Variants in PCDHGA5 observed in about 807,000 individuals in gnomAD.
PCDHGA5 encodes protocadherin gamma-A5.
In PCDHGA5, 36 loss-of-function variants were observed where a neutral mutation model predicts 56.7. The observed-to-expected ratio is 0.64, with a 90% CI of 0.49 to 0.84. The LOEUF (loss-of-function observed/expected upper bound fraction) is 0.84, where lower values mean the gene tolerates loss of function less well. PCDHGA5 is among the 40% of genes least tolerant of loss of function. PCDHGA5 has a pLI of 0.00. For missense variants in PCDHGA5, 1,305 were observed against 1,201.5 expected (o/e 1.09, Z -1.27); for synonymous variants, 563 against 520.2 (o/e 1.08, Z -1.12).
At chr5:141,390,204 G>A in intron 1 of PCDHGA5, 1 of 1,614,036 alleles carries the variant, frequency 6.2e-7, no homozygotes, top group Non-Finnish European at 8.5e-7. Flanking sequence ...GTTGAGTTCA[G>A]GACAAGACAT....
rs377138746 is a variant in PCDHGA5, at chr5:141,432,481, C to A, written c.2422-62326C>A. Reference sequence around the variant, plus strand: ...CCCTCCCCACGGACGGTTCCACTGGCGTGGAGCTGGCTCCCCGCTCCGCAG... The same window carrying A: ...CCCTCCCCACGGACGGTTCCACTGGAGTGGAGCTGGCTCCCCGCTCCGCAG... On this transcript the variant is annotated intron_variant, in intron 1 of 3. Transcript: ENST00000518069. This position sits in a 1 kb window ranked among gnomAD's most constrained non-coding sequence, Gnocchi z 6.0. 6.2e-7 allele frequency: 1 copy of A among 1,614,080 alleles called. No individual in the cohort carries two copies.
intron 1 of PCDHGA5, chr5:141,393,880 T>A (rs1561645063): frequency 6.2e-7 from 1 of 1,614,004 alleles, no homozygotes; most frequent in Non-Finnish European, 8.5e-7. Context: ...TTTAGCCCAG[T>A]GTTAGAAAAT....
chr5:141,499,012 G>GGAAGGAAT, intron 2 of PCDHGA5, among the ~76,000 whole-genome samples: 1 of 147,618 alleles, frequency 6.8e-6, no homozygotes. Context: ...AAGGAAGGAA[G>GGAAGGAAT]GAAGGAAGGA....
chr5:141,447,919 C>G (rs940570932), intron 1 of PCDHGA5, among the ~76,000 whole-genome samples: 2 of 152,012 alleles, frequency 1.3e-5, no homozygotes, highest in East Asian at 1.9e-4. Context: ...AACTCTGTCT[C>G]CACTAAAAAT....
chr5:141,410,781 T>C, intron 1 of PCDHGA5: 2 of 937,378 alleles, frequency 2.1e-6, no homozygotes, highest in Non-Finnish European at 1.5e-6. Flanking sequence ...TCACTATGTA[T>C]TTGGTTCATA....
intron 1 of PCDHGA5, chr5:141,371,894 G>C (rs1346040727): frequency 2.5e-6 from 4 of 1,613,426 alleles, no homozygotes; most frequent in Non-Finnish European, 3.4e-6. Flanking sequence ...AGCCGCGGGA[G>C]CTGTCGTCCT....
At chr5:141,422,888 T>C in intron 1 of PCDHGA5, 2 of 1,614,262 alleles carry the variant, frequency 1.2e-6, no homozygotes, top group South Asian at 2.2e-5. Flanking sequence ...CTGTTCGTGC[T>C]GGACCAGAAC....
intron 1 of PCDHGA5, chr5:141,405,524 A>T (rs1430059160): frequency 7.4e-6 from 5 of 677,158 alleles, no homozygotes; most frequent in Non-Finnish European, 1.2e-5. Context: ...AATTCAAGCG[A>T]TTCTCCTGCC....
chr5:141,386,522 C>T (rs1561611649), intron 1 of PCDHGA5, among the ~76,000 whole-genome samples: 3 of 152,174 alleles, frequency 2.0e-5, no homozygotes, highest in African/African-American at 4.8e-5. Flanking sequence ...CAAAAAAAGA[C>T]TCTTTTTAGA....
In PCDHGA5 at chr5:141,364,623, AGAGCCCACT is replaced by A; in HGVS notation, c.295_303del (p.Ser99_Leu101del). On this transcript the variant is annotated inframe_deletion, in exon 1 of 4. Transcript: ENST00000518069. ...ATAGACCGGGAGGAGCTCTGCGCTC[AGAGCCCACT>A]GTGTGTGGTGAACTTTAACATCTTG... 1 of 1,614,178 alleles carries A rather than the reference AGAGCCCACT, an allele frequency of 6.2e-7. No homozygotes were observed. The highest frequency in any genetic ancestry group is 8.5e-7 in the Non-Finnish European group (1 of 1,179,988).
At chr5:141,367,748 C>T (rs1765315661) in intron 1 of PCDHGA5, 1 of 152,176 alleles carries the variant, frequency 6.6e-6, no homozygotes, top group African/African-American at 2.4e-5. Flanking sequence ...CAGAGAGTTA[C>T]ATACTGCTGC....
In PCDHGA5 at chr5:141,364,958, C is replaced by G; in HGVS notation, c.628C>G (p.Leu210Val). The G allele has an allele frequency of 6.2e-7, 1 of 1,613,958 alleles. No homozygotes were observed. Among genetic ancestry groups the G allele is most frequent in the Non-Finnish European group, 8.5e-7 (1 of 1,179,894 alleles). ...CCGCGAGAAAGAGACTGTTCACGAC[C>G]TCCTCCTCACAGCTTTAGATGGCGG... ...LDREKETVHD[L>V]LLTALDGGDP... The change falls in exon 1 of 4, where the codon CTC becomes GTC. Residue 210 changes from leucine (L) to valine (V), a missense_variant. Coordinates refer to ENST00000518069, the MANE Select transcript of PCDHGA5 (RefSeq NM_018918.3).
chr5:141,388,407 A>G (rs2091351140), intron 1 of PCDHGA5: 6 of 1,613,878 alleles, frequency 3.7e-6, no homozygotes, highest in Middle Eastern at 3.3e-4. Flanking sequence ...ACTCAGTCCC[A>G]GTGATCATTT....
chr5:141,399,529 G>T (rs946281582), intron 1 of PCDHGA5: 3 of 1,614,010 alleles, frequency 1.9e-6, no homozygotes, highest in Non-Finnish European at 2.5e-6. Flanking sequence ...GGCCTCCATC[G>T]CGCAAGTCTG....
At chr5:141,377,813 T>C (rs1254239547) in intron 1 of PCDHGA5, 2 of 152,194 alleles carry the variant, frequency 1.3e-5, no homozygotes, top group African/African-American at 2.4e-5. Flanking sequence ...TGTTATTTAC[T>C]TGGGCCAGTT....
chr5:141,492,125 C>T (rs1284932830), intron 1 of PCDHGA5, among the ~76,000 whole-genome samples: 1 of 152,222 alleles, frequency 6.6e-6, no homozygotes, highest in Non-Finnish European at 1.5e-5. Context: ...TTCTCCCCAG[C>T]TCCCAGCATC....
chr5:141,409,904 G>T lies in PCDHGA5; in HGVS notation c.2421+43153G>T, dbSNP rs757396196. 10 of 1,613,278 alleles carry T rather than the reference G, an allele frequency of 6.2e-6. No homozygotes were observed. The South Asian group carries it at 1.1e-4, about 18-fold the overall frequency. On this transcript the variant is annotated intron_variant, in intron 1 of 3. Coordinates refer to ENST00000518069, the MANE Select transcript of PCDHGA5 (RefSeq NM_018918.3). ...ACCGCGGGTGCTGTACCCAGCTCTGGGTCCTGACGGCTCCGCGTTCTTCGA... is the reference window on the plus strand; with the variant it reads ...ACCGCGGGTGCTGTACCCAGCTCTGTGTCCTGACGGCTCCGCGTTCTTCGA...
In PCDHGA5 at chr5:141,477,031, A is replaced by C; in HGVS notation, c.2422-17776A>C. Reference sequence around the variant, plus strand: ...TAGACCTTGTAACCGGGATGCTGACAATCAAGGGTCGGCTGGACTTCGAGG... The same window carrying C: ...TAGACCTTGTAACCGGGATGCTGACCATCAAGGGTCGGCTGGACTTCGAGG... On this transcript the variant is annotated intron_variant, in intron 1 of 3. Coordinates refer to ENST00000518069, the MANE Select transcript of PCDHGA5 (RefSeq NM_018918.3). This position sits in a 1 kb window ranked among gnomAD's most constrained non-coding sequence, Gnocchi z 4.9. The C allele has an allele frequency of 6.2e-7, 1 of 1,614,248 alleles. No individual in the cohort carries two copies. Among genetic ancestry groups the C allele is most frequent in the Non-Finnish European group, 8.5e-7 (1 of 1,180,040 alleles).
chr5:141,375,655 G>C (rs117560542), intron 1 of PCDHGA5: 2 of 1,614,128 alleles, frequency 1.2e-6, no homozygotes, highest in African/African-American at 2.7e-5. Context: ...ACTATGAGCA[G>C]TTGAGAGACC....
Sources: gnomAD v4.1 joint callset for allele counts (sites outside exome capture counted in the v4.1 genomes callset) on GRCh38, gnomAD v4.1.1 for gene constraint, Gnocchi (gnomAD v3.1) non-coding constraint, MANE v1.5 for transcripts, NCBI Gene and HGNC (gene_info 2026-07-23, HGNC 2026-07-21) for gene names.